ZNF277: variants seen among roughly 807,000 people sequenced by gnomAD.
ZNF277 encodes zinc finger protein 277, also known as nuclear receptor-interacting factor 4.
A neutral mutation model predicts 60.7 loss-of-function variants in ZNF277; 55 were observed. The ratio of observed to expected loss-of-function variants is 0.91; its 90% CI spans 0.73 to 1.13. The LOEUF (loss-of-function observed/expected upper bound fraction) is 1.13, where lower values mean the gene tolerates loss of function less well. ZNF277 is among the 50% of genes most tolerant of loss of function. The pLI is 0.00. For synonymous variants in ZNF277, 178 were observed against 179.3 expected (o/e 0.99, Z 0.06); for missense variants, 510 against 523.0 (o/e 0.98, Z 0.24).
At chr7:112,291,685 G>T (rs937322207) in intron 2 of ZNF277, among the ~76,000 whole-genome samples, 2 of 152,160 alleles carry the variant, frequency 1.3e-5, no homozygotes, top group African/African-American at 4.8e-5. Context: ...TCACTCAGTT[G>T]ATTACAATTT....
At chr7:112,273,560 C>G (rs2117041922) in intron 1 of ZNF277, among the ~76,000 whole-genome samples, 1 of 152,216 alleles carries the variant, frequency 6.6e-6, no homozygotes, top group East Asian at 1.9e-4. Context: ...AAGGTGCATT[C>G]TTTTGTGTGT....
chr7:112,254,287 C>T (rs1376241275), intron 1 of ZNF277, among the ~76,000 whole-genome samples: 1 of 152,190 alleles, frequency 6.6e-6, no homozygotes, highest in Non-Finnish European at 1.5e-5. Flanking sequence ...CACCTGGGAA[C>T]TTGTTAGTGT....
chr7:112,265,891 A>C (rs368798449), intron 1 of ZNF277, among the ~76,000 whole-genome samples: 9 of 152,302 alleles, frequency 5.9e-5, no homozygotes, highest in African/African-American at 1.9e-4. Context: ...AAAGAAGATC[A>C]CTGAGAGCTG....
At chr7:112,243,890 G>A (rs952376341) in intron 1 of ZNF277, among the ~76,000 whole-genome samples, 1 of 151,996 alleles carries the variant, frequency 6.6e-6, no homozygotes, top group African/African-American at 2.4e-5. Context: ...CAAAGCATTG[G>A]AATAAACCTA....
intron 1 of ZNF277, among the ~76,000 whole-genome samples, chr7:112,220,969 C>G (rs1299625244): frequency 6.6e-6 from 1 of 152,156 alleles, no homozygotes; most frequent in African/African-American, 2.4e-5. Flanking sequence ...AACCTTCCAA[C>G]TGCACACTCT....
intron 1 of ZNF277, among the ~76,000 whole-genome samples, chr7:112,286,205 A>G (rs1792059694): frequency 6.6e-6 from 1 of 152,194 alleles, no homozygotes; most frequent in South Asian, 2.1e-4. Flanking sequence ...CACATCACAT[A>G]TGTCTAGTGA....
chr7:112,310,482 T>TGAGAGAGAGAGAGAGAGA (rs1563224344), intron 4 of ZNF277, among the ~76,000 whole-genome samples: 38 of 94,704 alleles, frequency 4.0e-4, no homozygotes, highest in African/African-American at 2.1e-3. Flanking sequence ...AGAGAGAGTG[T>TGAGAGAGAGAGAGAGAGA]GTGTGTGTGT....
At chr7:112,242,196 T>G (rs1366997007) in intron 1 of ZNF277, among the ~76,000 whole-genome samples, 1 of 151,950 alleles carries the variant, frequency 6.6e-6, no homozygotes, top group Non-Finnish European at 1.5e-5. Context: ...GAGTATACAG[T>G]ACAATTCAGC....
intron 1 of ZNF277, among the ~76,000 whole-genome samples, chr7:112,269,123 A>G (rs1791610446): frequency 6.6e-6 from 1 of 152,146 alleles, no homozygotes; most frequent in African/African-American, 2.4e-5. Context: ...CATATGGACA[A>G]TGAATGACAA....
Position 112,226,367 on chromosome 7 carries a change from A to C in ZNF277, c.91+19560A>C, listed in dbSNP as rs1183178492. On this transcript the variant is annotated intron_variant, in intron 1 of 11. Coordinates refer to ENST00000361822, the MANE Select transcript of ZNF277 (RefSeq NM_021994.3). ...CTTTAAGGAACATTTTCTCCATTAT[A>C]TACAAGAAGCCAGAGTTGTTTTGAA... Among the ~76,000 whole-genome samples the C allele has an allele frequency of 1.6e-4, 24 of 152,316 alleles. No individual in the cohort carries two copies. In the East Asian group the frequency reaches 4.2e-3, roughly 27 times the overall value.
chr7:112,256,431 T>TG (rs1368620050), intron 1 of ZNF277, among the ~76,000 whole-genome samples: 3 of 143,502 alleles, frequency 2.1e-5, no homozygotes, highest in African/African-American at 7.8e-5. Flanking sequence ...GTTTTTTTTT[T>TG]TTTTTTTTTT....
At chr7:112,335,074 C>T (rs1235460382) in intron 7 of ZNF277, among the ~76,000 whole-genome samples, 1 of 152,122 alleles carries the variant, frequency 6.6e-6, no homozygotes, top group African/African-American at 2.4e-5. Flanking sequence ...TTTTCTTTCT[C>T]CCTCTAAATC....
At chr7:112,217,422 T>C (rs143417304) in intron 1 of ZNF277, among the ~76,000 whole-genome samples, 6 of 152,338 alleles carry the variant, frequency 3.9e-5, no homozygotes, top group South Asian at 2.1e-4. Context: ...GAAATGTAAA[T>C]TGAAAGTAGA....
At chr7:112,332,705 C>T (rs1472382896) in intron 7 of ZNF277, among the ~76,000 whole-genome samples, 1 of 152,106 alleles carries the variant, frequency 6.6e-6, no homozygotes, top group Non-Finnish European at 1.5e-5. Context: ...GAAATTCCTG[C>T]TGAGGTAAGT....
At chr7:112,207,274 T>A (rs1381768295) in intron 1 of ZNF277, among the ~76,000 whole-genome samples, 2 of 152,204 alleles carry the variant, frequency 1.3e-5, no homozygotes, top group Non-Finnish European at 1.5e-5. Context: ...AGTCGCAGAC[T>A]GGTGGTCACT....
At chr7:112,302,840 G>T (rs1235609953) in intron 4 of ZNF277, among the ~76,000 whole-genome samples, 2 of 151,862 alleles carry the variant, frequency 1.3e-5, no homozygotes, top group Admixed American at 6.6e-5. Context: ...GTGTTAAATA[G>T]AAAGGGAAGC....
chr7:112,219,667 GCTGTGTCTC>G (rs1821975634), intron 1 of ZNF277, among the ~76,000 whole-genome samples: 1 of 152,226 alleles, frequency 6.6e-6, no homozygotes, highest in Admixed American at 6.5e-5. Context: ...AGGCTAGAGT[GCTGTGTCTC>G]CCACGCTAAA....
chr7:112,291,118 T>C (rs908107328), intron 2 of ZNF277, among the ~76,000 whole-genome samples: 1 of 152,186 alleles, frequency 6.6e-6, no homozygotes, highest in Non-Finnish European at 1.5e-5. Context: ...AATCTTTCCA[T>C]TGAGTCCATT....
intron 1 of ZNF277, among the ~76,000 whole-genome samples, chr7:112,262,507 AAAG>A (rs1166244552): frequency 6.6e-6 from 1 of 152,144 alleles, no homozygotes; most frequent in Non-Finnish European, 1.5e-5. Context: ...ATTTATGAAA[AAAG>A]TACACGGTTT....
Sources: gnomAD v4.1 joint callset for allele counts (sites outside exome capture counted in the v4.1 genomes callset) on GRCh38, gnomAD v4.1.1 for gene constraint, MANE v1.5 for transcripts, NCBI Gene and HGNC (gene_info 2026-07-23, HGNC 2026-07-21) for gene names.